The following OSBPL2 variants were observed in gnomAD, a reference collection of about 807,000 sequenced individuals.
The protein encoded by OSBPL2 is oxysterol-binding protein-related protein 2.
A neutral mutation model predicts 58.4 loss-of-function variants in OSBPL2; 18 were observed. The ratio of observed to expected loss-of-function variants is 0.31; its 90% CI spans 0.21 to 0.46. The LOEUF (loss-of-function observed/expected upper bound fraction) is 0.46, where lower values mean the gene tolerates loss of function less well. OSBPL2 is among the 20% of genes least tolerant of loss of function. OSBPL2 has a pLI of 1.00. For synonymous variants in OSBPL2, 221 were observed against 234.1 expected, an observed-to-expected ratio of 0.94 and a Z score of 0.51; for missense variants, 461 against 616.5, an observed-to-expected ratio of 0.75 and a Z score of 2.67.
intron 7 of OSBPL2, chr20:62,280,282 C>T (rs1174881209): frequency 2.4e-6 from 1 of 423,712 alleles, no homozygotes; most frequent in African/African-American, 2.1e-5. Context: ...GAAGGTTCCA[C>T]AAGGACCTGG....
chr20:62,251,915 T>G (rs1312101427), intron 1 of OSBPL2, among the ~76,000 whole-genome samples: 1 of 138,946 alleles, frequency 7.2e-6, no homozygotes, highest in Non-Finnish European at 1.5e-5. Flanking sequence ...AGGGTCTTGC[T>G]CTGTCACTCA....
chr20:62,280,884 A>G (rs988049437), intron 7 of OSBPL2, among the ~76,000 whole-genome samples, 174 bp from the exon 8 acceptor site: 1 of 152,266 alleles, frequency 6.6e-6, no homozygotes, highest in Non-Finnish European at 1.5e-5. Context: ...GAAGAAGTAC[A>G]TTTCAAACGC....
At chr20:62,277,279 T>A (rs1057086937) in intron 6 of OSBPL2, among the ~76,000 whole-genome samples, 1 of 151,908 alleles carries the variant, frequency 6.6e-6, no homozygotes, top group Non-Finnish European at 1.5e-5. Context: ...AAAAGATAAA[T>A]CAGAAGAGGA....
intron 4 of OSBPL2, among the ~76,000 whole-genome samples, chr20:62,267,369 C>A (rs557609437): frequency 6.6e-6 from 1 of 152,302 alleles, no homozygotes; most frequent in East Asian, 1.9e-4. Context: ...TGGATGTCTT[C>A]CAGTCCACAA....
At chr20:62,267,634 G>T (rs191574579) in intron 4 of OSBPL2, among the ~76,000 whole-genome samples, 2 of 152,256 alleles carry the variant, frequency 1.3e-5, no homozygotes, top group African/African-American at 4.8e-5. Context: ...GGGCCAACAG[G>T]CTCCACCTAA....
intron 1 of OSBPL2, among the ~76,000 whole-genome samples, chr20:62,252,440 C>T (rs755248732): frequency 2.0e-5 from 3 of 152,210 alleles, no homozygotes; most frequent in Admixed American, 6.5e-5. Context: ...CATGGTGTGC[C>T]CACGCCTAAG....
chr20:62,255,922 A>G, intron 1 of OSBPL2, 135 bp from the exon 2 acceptor site: 1 of 422,720 alleles, frequency 2.4e-6, no homozygotes, highest in East Asian at 4.8e-5. Flanking sequence ...TATGTTTGTG[A>G]TGTGATAATT....
In OSBPL2 at chr20:62,260,009, A is replaced by G. The variant is rs1981190016; in HGVS notation, c.66A>G (p.Glu22=). Residue 22 remains glutamate, a synonymous_variant, in exon 3 of 14, where the codon GAA becomes GAG. Coordinates refer to ENST00000313733, the MANE Select transcript of OSBPL2 (RefSeq NM_144498.4). ...TGFDSDNSSG[E]FSEANQKVTG... ...TTGATTCTGATAACTCTTCTGGGGA[A>G]TTTTCAGAGGCAAATCAGAAAGTCA... 6.2e-7 allele frequency: 1 copy of G among 1,613,878 alleles called. No homozygotes were observed. The highest frequency in any genetic ancestry group is 8.5e-7 in the Non-Finnish European group (1 of 1,179,938).
At chr20:62,290,576 C>G in intron 12 of OSBPL2, among the ~76,000 whole-genome samples, 1 of 151,868 alleles carries the variant, frequency 6.6e-6, no homozygotes, top group South Asian at 2.1e-4. Context: ...CCTGCCACCA[C>G]GCCCGGTTAA....
intron 6 of OSBPL2, among the ~76,000 whole-genome samples, 191 bp downstream of exon 6, chr20:62,273,597 C>T (rs1041956896): frequency 3.9e-5 from 6 of 152,172 alleles, no homozygotes; most frequent in African/African-American, 1.2e-4. Context: ...TAGCGTGCCA[C>T]GGCGTCTGAG....
chr20:62,260,170 A>G, intron 3 of OSBPL2, 45 bp downstream of exon 3: 2 of 1,590,660 alleles, frequency 1.3e-6, no homozygotes, highest in Non-Finnish European at 1.7e-6. Flanking sequence ...GTCTGTAATC[A>G]CCCCAAAAAT....
intron 1 of OSBPL2, among the ~76,000 whole-genome samples, chr20:62,243,325 G>A (rs1014642543): frequency 6.6e-6 from 1 of 152,214 alleles, no homozygotes; most frequent in African/African-American, 2.4e-5. Flanking sequence ...TCTCACCTGT[G>A]GGAAATGCTG....
At chr20:62,293,478 G>A (rs1275778963) in intron 13 of OSBPL2, among the ~76,000 whole-genome samples, 7 of 152,196 alleles carry the variant, frequency 4.6e-5, no homozygotes, top group Non-Finnish European at 1.5e-5. Flanking sequence ...AAAAGGGAGA[G>A]GCATTATTTA....
At chr20:62,241,926 G>C (rs1979763186) in intron 1 of OSBPL2, among the ~76,000 whole-genome samples, 1 of 152,130 alleles carries the variant, frequency 6.6e-6, no homozygotes, top group African/African-American at 2.4e-5. Context: ...TCAGGTACGA[G>C]GTTTAATTCC....
intron 2 of OSBPL2, among the ~76,000 whole-genome samples, chr20:62,258,752 C>T (rs192614012): frequency 6.0e-4 from 91 of 151,244 alleles, no homozygotes; most frequent in East Asian, 2.1e-3. Context: ...CTTTATTCTT[C>T]GGGGTGGGGG....
Position 62,288,169 on chromosome 20 carries a change from T to C in OSBPL2, c.1126-1038T>C, listed in dbSNP as rs1443519412. 6.6e-6 allele frequency among the ~76,000 whole-genome samples: 1 copy of C among 152,160 alleles called. No individual in the cohort carries two copies. Among genetic ancestry groups the C allele is most frequent in the Non-Finnish European group, 1.5e-5 (1 of 68,028 alleles). Reference sequence around the variant, plus strand: ...GGGGGTGCAGGGGTCTCCAGACGACTTCAGTATTTGCTGTGAGTGACATGG... The same window carrying C: ...GGGGGTGCAGGGGTCTCCAGACGACCTCAGTATTTGCTGTGAGTGACATGG... On this transcript the variant is annotated intron_variant, in intron 11 of 13. Coordinates refer to ENST00000313733, the MANE Select transcript of OSBPL2 (RefSeq NM_144498.4). This position sits in a 1 kb window ranked among gnomAD's most constrained non-coding sequence, Gnocchi z 4.8.
intron 1 of OSBPL2, among the ~76,000 whole-genome samples, chr20:62,255,570 C>G (rs1329926189): frequency 2.0e-5 from 3 of 152,254 alleles, no homozygotes; most frequent in African/African-American, 4.8e-5. Flanking sequence ...GTGGCACGAT[C>G]TCAGCTCACT....
intron 6 of OSBPL2, among the ~76,000 whole-genome samples, chr20:62,276,108 G>A (rs140831983): frequency 1.1e-3 from 162 of 152,210 alleles, no homozygotes; most frequent in Non-Finnish European, 1.8e-3. Context: ...GTAGAGACAG[G>A]GTTTCACCTT....
At chr20:62,248,355 C>G (rs2145917528) in intron 1 of OSBPL2, among the ~76,000 whole-genome samples, 1 of 152,016 alleles carries the variant, frequency 6.6e-6, no homozygotes, top group South Asian at 2.1e-4. Context: ...GGGGTTTCAC[C>G]ATGTTGGCCA....
Sources: gnomAD v4.1 joint callset for allele counts (sites outside exome capture counted in the v4.1 genomes callset) on GRCh38, gnomAD v4.1.1 for gene constraint, Gnocchi (gnomAD v3.1) non-coding constraint, MANE v1.5 for transcripts, NCBI Gene and HGNC (gene_info 2026-07-23, HGNC 2026-07-21) for gene names.